Variants in RPS6KC1 observed in about 807,000 individuals in gnomAD.
RPS6KC1 encodes the protein inactive ribosomal protein S6 kinase delta-1.
A neutral mutation model predicts 103.8 loss-of-function variants in RPS6KC1; 54 were observed. That is an observed-to-expected ratio of 0.52 (90% CI 0.42 to 0.65). The LOEUF is 0.65. RPS6KC1 is among the 30% of genes least tolerant of loss of function. The pLI, the probability that RPS6KC1 is intolerant of heterozygous loss-of-function variation, is 0.00. For missense variants in RPS6KC1, 1,151 were observed against 1,253.8 expected, an observed-to-expected ratio of 0.92 and a Z score of 1.24; for synonymous variants, 439 against 438.7, an observed-to-expected ratio of 1.00 and a Z score of -0.01.
At chr1:213,780,679 A>C in the RPS6KC1 span, among the ~76,000 whole-genome samples, 1 of 152,300 alleles carries the variant, frequency 6.6e-6, no homozygotes, top group African/African-American at 2.4e-5. Flanking sequence ...CCCTAGTTGA[A>C]ACCTGAGAGA....
At chr1:213,543,607 A>G in the RPS6KC1 span, among the ~76,000 whole-genome samples, 2 of 152,242 alleles carry the variant, frequency 1.3e-5, no homozygotes, top group African/African-American at 4.8e-5. Flanking sequence ...TAAAGCATCC[A>G]GGATAAACGC....
chr1:213,213,950 C>T (rs541920593), intron 8 of RPS6KC1, among the ~76,000 whole-genome samples: 15 of 152,184 alleles, frequency 9.9e-5, no homozygotes, highest in African/African-American at 1.9e-4. Context: ...CCAGCATGAG[C>T]GACGCGGAAG....
intron 12 of RPS6KC1, among the ~76,000 whole-genome samples, chr1:213,257,786 C>CTTTTTTTT (rs71147062): frequency 6.1e-5 from 3 of 49,426 alleles, no homozygotes; most frequent in African/African-American, 1.6e-4. Flanking sequence ...ACAGGTAAAA[C>CTTTTTTTT]TTTTTTTTTT....
Position 213,261,000 on chromosome 1 carries a change from C to T in RPS6KC1, c.2912-558C>T, listed in dbSNP as rs79013796. The stretch of plus-strand genomic sequence containing the variant: ...GCAAAATGGGTGGATTTGCATTTCA[C>T]ATGCTCCTCCTTTGGTTGAAAACAA... On this transcript the variant is annotated intron_variant, in intron 12 of 14. Transcript: ENST00000366960. 1.4e-3 allele frequency among the ~76,000 whole-genome samples: 211 copies of T among 152,332 alleles called. No homozygotes were observed. In the East Asian group the frequency reaches 0.025, roughly 18 times the overall value.
At chr1:213,364,724 C>T in the RPS6KC1 span, among the ~76,000 whole-genome samples, 1 of 152,042 alleles carries the variant, frequency 6.6e-6, no homozygotes, top group Non-Finnish European at 1.5e-5. Context: ...GAGGCCTAGG[C>T]GGGCGGATCA....
chr1:213,606,709 C>T, the RPS6KC1 span, among the ~76,000 whole-genome samples: 2 of 152,128 alleles, frequency 1.3e-5, no homozygotes, highest in Non-Finnish European at 2.9e-5. Flanking sequence ...AAAGGGAGTT[C>T]GTGTGAGATG....
chr1:213,492,817 AC>A, the RPS6KC1 span, among the ~76,000 whole-genome samples: 1 of 152,136 alleles, frequency 6.6e-6, no homozygotes, highest in East Asian at 1.9e-4. Context: ...CTGTGTGGGA[AC>A]TGCTGTTCCC....
At chr1:213,409,555 G>A in the RPS6KC1 span, among the ~76,000 whole-genome samples, 1 of 152,130 alleles carries the variant, frequency 6.6e-6, no homozygotes, top group Non-Finnish European at 1.5e-5. Context: ...TAGCTGATTT[G>A]TGGTTGAAAG....
chr1:213,106,620 T>C (rs189557865), intron 4 of RPS6KC1, among the ~76,000 whole-genome samples: 46 of 152,274 alleles, frequency 3.0e-4, no homozygotes, highest in Admixed American at 2.6e-3. Flanking sequence ...TATAGTATCA[T>C]AGTTTATTTT....
At chr1:213,377,773 A>G in the RPS6KC1 span, among the ~76,000 whole-genome samples, 2 of 152,202 alleles carry the variant, frequency 1.3e-5, no homozygotes, top group Admixed American at 6.5e-5. Context: ...AAATAAAAAT[A>G]TTCCTGCTCA....
chr1:213,169,785 T>G (rs1572986962), intron 7 of RPS6KC1, among the ~76,000 whole-genome samples: 1 of 148,636 alleles, frequency 6.7e-6, no homozygotes, highest in African/African-American at 2.5e-5. Flanking sequence ...TTTTAAGTTT[T>G]TTTTTTTTTT....
the RPS6KC1 span, among the ~76,000 whole-genome samples, chr1:213,740,156 A>G: frequency 1.3e-5 from 2 of 152,178 alleles, no homozygotes; most frequent in Non-Finnish European, 2.9e-5. Context: ...TCTTTTGAGT[A>G]TCACAGTGGC....
At chr1:213,115,714 C>G (rs1383210881) in intron 4 of RPS6KC1, among the ~76,000 whole-genome samples, 1 of 152,168 alleles carries the variant, frequency 6.6e-6, no homozygotes, top group Admixed American at 6.5e-5. Context: ...TCCCTCTACA[C>G]ACTGCTTTGA....
the RPS6KC1 span, among the ~76,000 whole-genome samples, chr1:213,794,981 T>C: frequency 6.6e-6 from 1 of 152,226 alleles, no homozygotes; most frequent in Non-Finnish European, 1.5e-5. Flanking sequence ...CTAAAGGTGA[T>C]GTCAGCAAGA....
the RPS6KC1 span, among the ~76,000 whole-genome samples, chr1:213,747,777 A>T: frequency 2.0e-5 from 3 of 152,200 alleles, no homozygotes; most frequent in Non-Finnish European, 4.4e-5. Flanking sequence ...ACAGGAATGA[A>T]AGTGGGTAAT....
chr1:213,167,480 ACACACACAC>A lies in RPS6KC1; in HGVS notation c.836-377_836-369del, dbSNP rs1558462452. The stretch of plus-strand genomic sequence containing the variant: ...CACACACACACACACACACACACAC[ACACACACAC>A]AACAGCTGTTGCATTTGGTCCTATT... On this transcript the variant is annotated intron_variant, in intron 6 of 14. Coordinates refer to ENST00000366960, the MANE Select transcript of RPS6KC1 (RefSeq NM_012424.6). Among the ~76,000 whole-genome samples, 637 of 142,540 alleles carry A rather than the reference ACACACACAC, an allele frequency of 4.5e-3. 8 individuals carry two copies. Among genetic ancestry groups the A allele is most frequent in the East Asian group, 0.032 (162 of 5,030 alleles). 93.5% of individuals were successfully genotyped at this position (142,540 alleles called of 152,430 possible). A position where few individuals can be genotyped will look rare whatever the true frequency, so the allele number is the denominator to read the frequency against.
chr1:213,612,610 A>G, the RPS6KC1 span, among the ~76,000 whole-genome samples: 2 of 152,328 alleles, frequency 1.3e-5, no homozygotes, highest in East Asian at 3.9e-4. Context: ...ATGTGTAGAG[A>G]TAGATTTTGA....
chr1:213,278,455 G>C (rs1050372004), downstream of RPS6KC1, among the ~76,000 whole-genome samples: 7 of 152,174 alleles, frequency 4.6e-5, no homozygotes, highest in African/African-American at 1.7e-4. Context: ...ATAATTTGTA[G>C]AACACTTGAG....
the RPS6KC1 span, among the ~76,000 whole-genome samples, chr1:213,632,164 G>T: frequency 6.6e-6 from 1 of 152,176 alleles, no homozygotes; most frequent in East Asian, 1.9e-4. Flanking sequence ...ACCCAATGAA[G>T]GACATTTGGG....
Sources: gnomAD v4.1 joint callset for allele counts (sites outside exome capture counted in the v4.1 genomes callset) on GRCh38, gnomAD v4.1.1 for gene constraint, MANE v1.5 for transcripts, NCBI Gene and HGNC (gene_info 2026-07-23, HGNC 2026-07-21) for gene names.